Variants in EIF3E observed in about 807,000 individuals in gnomAD.
The protein encoded by EIF3E is eukaryotic translation initiation factor 3 subunit E, also known as eIF-3 p48.
Under a neutral mutation model 59.3 loss-of-function variants are expected in EIF3E, and 25 were observed. The ratio of observed to expected loss-of-function variants is 0.42; its 90% CI spans 0.31 to 0.59. The LOEUF (loss-of-function observed/expected upper bound fraction) is 0.59. Among genes scored for constraint, EIF3E ranks in the 20% least tolerant of loss-of-function variants. The probability of loss-of-function intolerance (pLI) is 0.15; values close to 1 mark genes in which losing one functional copy is unlikely to be tolerated. For missense variants in EIF3E, 317 were observed against 534.3 expected (o/e 0.59, Z 4.01); for synonymous variants, 176 against 170.2 (o/e 1.03, Z -0.26).
chr8:108,213,043 A>C (rs1815241558), intron 10 of EIF3E, among the ~76,000 whole-genome samples: 1 of 152,198 alleles, frequency 6.6e-6, no homozygotes. Context: ...ACACGGAGAA[A>C]AGTCTGAAAA....
At chr8:108,243,107 C>T (rs1018490085) in intron 1 of EIF3E, among the ~76,000 whole-genome samples, 1 of 152,166 alleles carries the variant, frequency 6.6e-6, no homozygotes, top group Non-Finnish European at 1.5e-5. Flanking sequence ...CCACAGCATA[C>T]TCATAATAGA....
At chr8:108,219,782 G>A (rs955773255) in intron 7 of EIF3E, among the ~76,000 whole-genome samples, 5 of 151,846 alleles carry the variant, frequency 3.3e-5, no homozygotes, top group African/African-American at 4.8e-5. Context: ...GCAATAAGCC[G>A]TTACTGCACC....
chr8:108,234,900 G>A, intron 5 of EIF3E, 98 bp downstream of exon 5: 2 of 638,526 alleles, frequency 3.1e-6, no homozygotes. Flanking sequence ...AAAACTTAAT[G>A]AACAGACCCA....
At chr8:108,221,088 G>A (rs1174723505) in intron 7 of EIF3E, among the ~76,000 whole-genome samples, 1 of 151,284 alleles carries the variant, frequency 6.6e-6, no homozygotes, top group Non-Finnish European at 1.5e-5. Flanking sequence ...AAAAAGAACT[G>A]GGAATGAAAA....
chr8:108,203,609 T>G, intron 10 of EIF3E, 106 bp from the exon 11 acceptor site: 1 of 846,620 alleles, frequency 1.2e-6, no homozygotes, highest in Non-Finnish European at 1.9e-6. Flanking sequence ...TTGGTATTTC[T>G]GGATCACCCT....
intron 7 of EIF3E, among the ~76,000 whole-genome samples, chr8:108,223,372 C>T (rs530533973): frequency 2.0e-5 from 3 of 152,206 alleles, no homozygotes; most frequent in Admixed American, 2.0e-4. Context: ...TGGAGGTCAT[C>T]CTGAGTGAGC....
At chr8:108,245,200 C>T (rs1426686862) in intron 1 of EIF3E, among the ~76,000 whole-genome samples, 1 of 151,550 alleles carries the variant, frequency 6.6e-6, no homozygotes, top group Non-Finnish European at 1.5e-5. Flanking sequence ...AGGGTGGTGG[C>T]TCATGTCTGT....
At chr8:108,212,441 A>G (rs1459993498) in intron 10 of EIF3E, among the ~76,000 whole-genome samples, 1 of 152,228 alleles carries the variant, frequency 6.6e-6, no homozygotes, top group African/African-American at 2.4e-5. Context: ...CTTCACCTGA[A>G]AAGTAACTGT....
At chr8:108,230,281 C>T (rs187457400) in intron 5 of EIF3E, among the ~76,000 whole-genome samples, 21 of 152,224 alleles carry the variant, frequency 1.4e-4, no homozygotes, top group African/African-American at 5.1e-4. Flanking sequence ...TGTACTTTAG[C>T]TTCCTCACTG....
At chr8:108,203,218 G>C in intron 11 of EIF3E, 101 bp from the exon 12 acceptor site, 1 of 898,434 alleles carries the variant, frequency 1.1e-6, no homozygotes, top group Admixed American at 3.1e-5. Context: ...TTAATGCACT[G>C]TATAGAGATG....
intron 7 of EIF3E, among the ~76,000 whole-genome samples, chr8:108,219,644 G>C (rs945992588): frequency 2.0e-5 from 3 of 152,116 alleles, no homozygotes; most frequent in Non-Finnish European, 4.4e-5. Flanking sequence ...GGGAGGCCGA[G>C]GTGAGAGGAC....
chr8:108,203,543 C>T, intron 10 of EIF3E, 40 bp from the exon 11 acceptor site: 2 of 1,562,438 alleles, frequency 1.3e-6, no homozygotes, highest in East Asian at 2.2e-5. Context: ...ATTAACTGGG[C>T]CTAAAAACTT....
intron 7 of EIF3E, among the ~76,000 whole-genome samples, chr8:108,225,560 C>A (rs1815501766): frequency 1.3e-5 from 2 of 151,536 alleles, no homozygotes; most frequent in African/African-American, 4.9e-5. Context: ...AAAAGTTTAA[C>A]CACATGGTTT....
At chr8:108,235,388 C>CA (rs1348932864) in intron 4 of EIF3E, among the ~76,000 whole-genome samples, 1 of 152,170 alleles carries the variant, frequency 6.6e-6, no homozygotes, top group Non-Finnish European at 1.5e-5. Context: ...ATCATCAAGG[C>CA]ACTAGCTGGA....
At chr8:108,232,216 G>A (rs985006161) in intron 5 of EIF3E, among the ~76,000 whole-genome samples, 3 of 152,092 alleles carry the variant, frequency 2.0e-5, no homozygotes, top group African/African-American at 7.2e-5. Flanking sequence ...TTTAAGCTTG[G>A]CACTGTTAGC....
At chr8:108,213,486 G>A (rs1815248106) in intron 10 of EIF3E, among the ~76,000 whole-genome samples, 1 of 152,086 alleles carries the variant, frequency 6.6e-6, no homozygotes, top group Non-Finnish European at 1.5e-5. Context: ...AGTCAGTTCT[G>A]GACCAAAAAG....
At chr8:108,226,044 AT>A (rs1815510202) in intron 7 of EIF3E, among the ~76,000 whole-genome samples, 1 of 152,160 alleles carries the variant, frequency 6.6e-6, no homozygotes, top group African/African-American at 2.4e-5. Flanking sequence ...ACATTCTTTC[AT>A]TATGAAGCTG....
At chr8:108,210,879 G>C (rs1170908929) in intron 10 of EIF3E, among the ~76,000 whole-genome samples, 1 of 152,086 alleles carries the variant, frequency 6.6e-6, no homozygotes, top group Non-Finnish European at 1.5e-5. Flanking sequence ...AGTTTGCTCA[G>C]AATGATGGTT....
chr8:108,212,376 C>T (rs1815228442), intron 10 of EIF3E, among the ~76,000 whole-genome samples: 1 of 152,148 alleles, frequency 6.6e-6, no homozygotes. Context: ...CACATAGAAA[C>T]ACATTTTCAG....
Sources: gnomAD v4.1 joint callset for allele counts (sites outside exome capture counted in the v4.1 genomes callset) on GRCh38, gnomAD v4.1.1 for gene constraint, MANE v1.5 for transcripts, NCBI Gene and HGNC (gene_info 2026-07-23, HGNC 2026-07-21) for gene names.